Variants in CSMD3 observed in about 807,000 individuals in gnomAD.
CSMD3 encodes CUB and sushi domain-containing protein 3.
CSMD3 carries 177 observed loss-of-function variants against 435.2 expected under a neutral mutation model. The ratio of observed to expected loss-of-function variants is 0.41; its 90% CI spans 0.36 to 0.46. CSMD3 has a LOEUF of 0.46. CSMD3 is among the 20% of genes least tolerant of loss of function. The pLI, the probability that CSMD3 is intolerant of heterozygous loss-of-function variation, is 0.34. For missense variants in CSMD3, 4,265 were observed against 4,504.6 expected (o/e 0.95, Z 1.52); for synonymous variants, 1,656 against 1,520.5 (o/e 1.09, Z -2.07).
chr8:113,143,129 A>G (rs1171062415), intron 4 of CSMD3, among the ~76,000 whole-genome samples: 1 of 151,260 alleles, frequency 6.6e-6, no homozygotes, highest in Non-Finnish European at 1.5e-5. Context: ...AAACAAACCC[A>G]AACAATCCAA....
chr8:112,441,159 C>T (rs956944483), intron 32 of CSMD3, among the ~76,000 whole-genome samples: 1 of 152,136 alleles, frequency 6.6e-6, no homozygotes, highest in African/African-American at 2.4e-5. Context: ...TATCATCTCT[C>T]TCAAGTTCAA....
chr8:112,614,043 A>G (rs1325352678), intron 22 of CSMD3, among the ~76,000 whole-genome samples: 1 of 152,192 alleles, frequency 6.6e-6, no homozygotes, highest in African/African-American at 2.4e-5. Flanking sequence ...CAAATTAGAA[A>G]AGGAGGATAG....
chr8:112,424,544 C>T (rs968038231), intron 32 of CSMD3, among the ~76,000 whole-genome samples: 15 of 152,152 alleles, frequency 9.9e-5, no homozygotes, highest in Admixed American at 1.3e-4. Flanking sequence ...TGTTAAGACT[C>T]TCACTAGAGA....
At chr8:112,701,251 C>T (rs1201172898) in intron 13 of CSMD3, among the ~76,000 whole-genome samples, 2 of 152,016 alleles carry the variant, frequency 1.3e-5, no homozygotes, top group Non-Finnish European at 2.9e-5. Context: ...ATGTAATTTC[C>T]AGGAAGATAA....
intron 9 of CSMD3, among the ~76,000 whole-genome samples, chr8:112,936,308 C>A (rs2083279306): frequency 6.6e-6 from 1 of 151,982 alleles, no homozygotes; most frequent in Non-Finnish European, 1.5e-5. Flanking sequence ...TACTTCTGTA[C>A]CTATGATCCA....
chr8:113,133,111 C>T (rs2091325698), intron 4 of CSMD3, among the ~76,000 whole-genome samples: 1 of 151,944 alleles, frequency 6.6e-6, no homozygotes, highest in Admixed American at 6.6e-5. Flanking sequence ...TCAAAAGGGA[C>T]AATCAACAGA....
intron 1 of CSMD3, among the ~76,000 whole-genome samples, chr8:113,391,928 G>T (rs1410401001): frequency 1.3e-5 from 2 of 151,968 alleles, no homozygotes; most frequent in Non-Finnish European, 2.9e-5. Context: ...CATGTAGTGT[G>T]CTTACTAAGT....
intron 1 of CSMD3, among the ~76,000 whole-genome samples, chr8:113,363,469 G>T (rs1282087595): frequency 6.6e-6 from 1 of 152,122 alleles, no homozygotes; most frequent in Non-Finnish European, 1.5e-5. Context: ...CTCTTTCCCT[G>T]TTCTGGAGAC....
chr8:113,309,715 G>T (rs1019513348), intron 2 of CSMD3: 20 of 152,056 alleles, frequency 1.3e-4, no homozygotes, highest in African/African-American at 4.3e-4. Context: ...AATTTATTTA[G>T]AAATAATATT....
At chr8:113,018,858 T>C (rs1475999635) in intron 6 of CSMD3, 26 of 559,424 alleles carry the variant, frequency 4.6e-5, no homozygotes, top group Non-Finnish European at 7.9e-5. Flanking sequence ...TAATATTCAT[T>C]ATTCTGAATA....
intron 27 of CSMD3, among the ~76,000 whole-genome samples, chr8:112,539,933 A>T (rs894787623): frequency 1.3e-5 from 2 of 152,156 alleles, no homozygotes; most frequent in African/African-American, 4.8e-5. Context: ...TCTGTAAAGC[A>T]AAGTAAACAA....
At chr8:112,293,025 A>C (rs1819926056) in intron 54 of CSMD3, among the ~76,000 whole-genome samples, 1 of 152,128 alleles carries the variant, frequency 6.6e-6, no homozygotes, top group Non-Finnish European at 1.5e-5. Context: ...TTGGGGAGGC[A>C]AAGAGCAGAG....
chr8:112,230,873 G>C (rs2353787), intron 69 of CSMD3, among the ~76,000 whole-genome samples: 5,106 of 152,158 alleles, frequency 0.034, 279 homozygotes, highest in African/African-American at 0.12. Context: ...AATTTTTAGA[G>C]CCTGAATTTA....
chr8:112,797,582 C>G (rs1666470624), intron 13 of CSMD3, among the ~76,000 whole-genome samples: 1 of 151,832 alleles, frequency 6.6e-6, no homozygotes, highest in Non-Finnish European at 1.5e-5. Flanking sequence ...TTAATACTGT[C>G]TCATGCAAAA....
chr8:113,008,886 T>C (rs2086154901), intron 6 of CSMD3, among the ~76,000 whole-genome samples: 1 of 151,168 alleles, frequency 6.6e-6, no homozygotes, highest in Non-Finnish European at 1.5e-5. Flanking sequence ...ACTATTCCCA[T>C]AGAAAAAAAT....
chr8:112,408,447 A>T lies in CSMD3; in HGVS notation c.5510-34T>A, dbSNP rs376566220. ...CAAAACAAACACTAAGATATCATAAATAATTTTCATTCAGTAAACCTAACA... is the reference window on the plus strand; with the variant it reads ...CAAAACAAACACTAAGATATCATAATTAATTTTCATTCAGTAAACCTAACA... On this transcript the variant is annotated intron_variant, in intron 33 of 70. Transcript: ENST00000297405. The T allele has an allele frequency of 1.4e-4, 184 of 1,269,572 alleles. 2 individuals carry two copies. The highest frequency in any genetic ancestry group is 9.4e-4 in the South Asian group (79 of 84,098). The allele number at this position is 1,269,572 out of a possible 1,614,324, so 78.6% of individuals were successfully genotyped here.
chr8:112,618,068 C>G (rs1332127919), intron 22 of CSMD3, among the ~76,000 whole-genome samples: 1 of 151,906 alleles, frequency 6.6e-6, no homozygotes, highest in Non-Finnish European at 1.5e-5. Flanking sequence ...TTTAAGGCTA[C>G]TAAAGAAAAT....
chr8:112,616,485 A>C (rs963050461), intron 22 of CSMD3, among the ~76,000 whole-genome samples: 1 of 152,148 alleles, frequency 6.6e-6, no homozygotes, highest in Non-Finnish European at 1.5e-5. Flanking sequence ...ACATTATATT[A>C]ATGAATTATG....
intron 40 of CSMD3, among the ~76,000 whole-genome samples, chr8:112,349,526 T>C (rs1825960338): frequency 1.3e-5 from 2 of 152,172 alleles, no homozygotes; most frequent in African/African-American, 4.8e-5. Flanking sequence ...AACATATTTA[T>C]TTTACTCTTT....
Sources: gnomAD v4.1 joint callset for allele counts (sites outside exome capture counted in the v4.1 genomes callset) on GRCh38, gnomAD v4.1.1 for gene constraint, MANE v1.5 for transcripts, NCBI Gene and HGNC (gene_info 2026-07-23, HGNC 2026-07-21) for gene names.